PALD1: variants seen among roughly 807,000 people sequenced by gnomAD.
PALD1 encodes phosphatase domain containing paladin 1, also known as paladin.
PALD1 carries 57 observed loss-of-function variants against 96.0 expected under a neutral mutation model. That is an observed-to-expected ratio of 0.59 (90% CI 0.48 to 0.74). The LOEUF (loss-of-function observed/expected upper bound fraction) is 0.74, where lower values mean the gene tolerates loss of function less well. Among genes scored for constraint, PALD1 ranks in the 30% least tolerant of loss-of-function variants. The probability of loss-of-function intolerance (pLI) is 0.00; values close to 1 mark genes in which losing one functional copy is unlikely to be tolerated. For synonymous variants in PALD1, 464 were observed against 473.6 expected (o/e 0.98, Z 0.26); for missense variants, 1,063 against 1,143.7 (o/e 0.93, Z 1.02).
rs570411619 is a variant in PALD1, at chr10:70,497,511, T to TC, written c.-30+18454dup. 8.6e-5 allele frequency among the ~76,000 whole-genome samples: 13 copies of TC among 151,830 alleles called. No individual in the cohort carries two copies. In the South Asian group the frequency reaches 2.7e-3, roughly 32 times the overall value. ...GCTCTTTCCATATCTGCTCCATCTCTCCATCCTGAGCTCTGCAGGGCTGGA... is the reference window on the plus strand; with the variant it reads ...GCTCTTTCCATATCTGCTCCATCTCTCCCATCCTGAGCTCTGCAGGGCTGGA... On this transcript the variant is annotated intron_variant, in intron 1 of 19. Transcript: ENST00000263563.
At chr10:70,555,628 G>A (rs1051111137) in intron 18 of PALD1, among the ~76,000 whole-genome samples, 2 of 152,230 alleles carry the variant, frequency 1.3e-5, no homozygotes, top group Non-Finnish European at 2.9e-5. Flanking sequence ...TGCCCCAAGG[G>A]CTGAGGTCAT....
chr10:70,467,785 C>T, the PALD1 span, among the ~76,000 whole-genome samples: 21 of 152,100 alleles, frequency 1.4e-4, no homozygotes, highest in South Asian at 4.4e-3. Context: ...TAGAACGCAC[C>T]CAGGATAGGA....
chr10:70,495,621 G>A (rs745526130), intron 1 of PALD1, among the ~76,000 whole-genome samples: 28 of 152,248 alleles, frequency 1.8e-4, no homozygotes, highest in Non-Finnish European at 3.2e-4. Context: ...AGCTTAAGAG[G>A]TGGGCTTGGA....
At chr10:70,480,614 G>T (rs906535436) in intron 1 of PALD1, among the ~76,000 whole-genome samples, 12 of 152,234 alleles carry the variant, frequency 7.9e-5, no homozygotes, top group African/African-American at 2.9e-4. Context: ...TCCCTGGCAG[G>T]TTTCTGTTTT....
chr10:70,529,432 C>T (rs963870639), intron 3 of PALD1, 101 bp downstream of exon 3: 16 of 652,242 alleles, frequency 2.5e-5, no homozygotes, highest in South Asian at 5.2e-5. Flanking sequence ...CAACTTTCCC[C>T]GTCTCTCTGC....
intron 18 of PALD1, among the ~76,000 whole-genome samples, chr10:70,549,046 C>CA (rs71472976): frequency 0.3 from 22,241 of 74,574 alleles, 3,241 homozygotes; most frequent in Non-Finnish European, 0.36. Flanking sequence ...TTGTCTCTAC[C>CA]AAAAAAAAAA....
intron 1 of PALD1, among the ~76,000 whole-genome samples, chr10:70,484,563 A>G (rs1191474366): frequency 4.0e-5 from 6 of 149,984 alleles, no homozygotes; most frequent in Non-Finnish European, 7.4e-5. Flanking sequence ...TTTTTGAGAC[A>G]GAGTCTCGGT....
chr10:70,507,230 C>T (rs1363161268), intron 1 of PALD1, among the ~76,000 whole-genome samples: 5 of 146,362 alleles, frequency 3.4e-5, no homozygotes, highest in East Asian at 2.0e-4. Context: ...GGTGAAACCC[C>T]GTCTCTACTA....
At position 70,538,244 on chromosome 10, in the gene PALD1, C is replaced by T. The variant is rs1171286795; in HGVS notation, c.1324-36C>T. 7 of 1,596,888 alleles carry T rather than the reference C, an allele frequency of 4.4e-6. No homozygotes were observed. In the Admixed American group the frequency reaches 6.7e-5, roughly 15 times the overall value. The stretch of plus-strand genomic sequence containing the variant: ...AGGGAGGGTTCAGGATGGCCCTGTG[C>T]CCCTGAATTCCTCGTCTCTCTGCCT... On this transcript the variant is annotated intron_variant, in intron 11 of 19. Coordinates refer to ENST00000263563, the MANE Select transcript of PALD1 (RefSeq NM_014431.3).
intron 1 of PALD1, among the ~76,000 whole-genome samples, chr10:70,500,366 C>A (rs1846270578): frequency 6.6e-6 from 1 of 152,174 alleles, no homozygotes; most frequent in African/African-American, 2.4e-5. Flanking sequence ...AGCTGGGCAG[C>A]ACATCACACC....
chr10:70,512,199 C>T (rs924658089), intron 1 of PALD1, among the ~76,000 whole-genome samples: 11 of 152,224 alleles, frequency 7.2e-5, no homozygotes, highest in Non-Finnish European at 1.3e-4. Context: ...CACATGGCCC[C>T]AGGTCGCTGC....
chr10:70,541,663 G>A, intron 17 of PALD1, 129 bp downstream of exon 17: 1 of 702,232 alleles, frequency 1.4e-6, no homozygotes, highest in South Asian at 1.7e-5. Flanking sequence ...TCATATCAGT[G>A]CTTCCCTGTT....
chr10:70,493,802 C>T (rs1033757867), intron 1 of PALD1, among the ~76,000 whole-genome samples: 1 of 152,218 alleles, frequency 6.6e-6, no homozygotes, highest in Non-Finnish European at 1.5e-5. Context: ...CTGCTAGCCC[C>T]GCCTCCAGCA....
chr10:70,491,619 C>G (rs1846100423), intron 1 of PALD1, among the ~76,000 whole-genome samples: 1 of 152,128 alleles, frequency 6.6e-6, no homozygotes, highest in African/African-American at 2.4e-5. Context: ...TAAAATAACC[C>G]TTTTAAAGTG....
chr10:70,525,816 C>T, intron 1 of PALD1, 107 bp from the exon 2 acceptor site: 1 of 837,548 alleles, frequency 1.2e-6, no homozygotes, highest in Non-Finnish European at 1.9e-6. Flanking sequence ...TCTCCAGCTG[C>T]AGAGTGAGCT....
In PALD1 at chr10:70,531,335, C is replaced by T. The variant is rs185954548; in HGVS notation, c.514C>T (p.Arg172Cys). The stretch of plus-strand genomic sequence containing the variant: ...GCGGGAGGAACCTGTGCTTTTCCTG[C>T]GTGCAGATGAGGACTTTGTGTCCTA... ...CVREEPVLFL[R>C]ADEDFVSYTP... Residue 172 changes from arginine to cysteine, a missense_variant, in exon 5 of 20, where the codon CGT becomes TGT. By Grantham distance (180) the Arg-to-Cys change is radical (BLOSUM62 -3). Coordinates refer to ENST00000263563, the MANE Select transcript of PALD1 (RefSeq NM_014431.3). The T allele has an allele frequency of 1.5e-4, 246 of 1,613,808 alleles. No homozygotes were observed. Among genetic ancestry groups the T allele is most frequent in the East Asian group, 9.4e-4 (42 of 44,868 alleles).
chr10:70,566,415 T>C (rs1441218976), intron 19 of PALD1, among the ~76,000 whole-genome samples, 166 bp from the exon 20 acceptor site: 1 of 152,134 alleles, frequency 6.6e-6, no homozygotes, highest in African/African-American at 2.4e-5. Flanking sequence ...TAGAGTCTTT[T>C]CCTTGCTATG....
rs543742537 is a variant in PALD1, at chr10:70,529,835, C to A, written c.289-54C>A. ...GGAGCCCAGGACAGAGCTCCATCTG[C>A]AGAAAATACCCCTGAGCCATCTGAG... On this transcript the variant is annotated intron_variant, in intron 3 of 19. Coordinates refer to ENST00000263563, the MANE Select transcript of PALD1 (RefSeq NM_014431.3). 420 of 1,535,082 alleles carry A rather than the reference C, an allele frequency of 2.7e-4. 1 individual carries two copies. Among genetic ancestry groups the A allele is most frequent in the Non-Finnish European group, 3.6e-4 (404 of 1,117,548 alleles).
intron 1 of PALD1, among the ~76,000 whole-genome samples, chr10:70,482,563 C>T (rs1157181626): frequency 1.3e-5 from 2 of 152,178 alleles, no homozygotes; most frequent in Non-Finnish European, 2.9e-5. Context: ...AAGCACTGGC[C>T]TTTATAATCC....
Sources: allele counts gnomAD v4.1 joint callset (sites outside exome capture counted in the v4.1 genomes callset), GRCh38; gene constraint gnomAD v4.1.1; transcripts MANE v1.5; gene names NCBI Gene and HGNC (gene_info 2026-07-23, HGNC 2026-07-21).